The following CUZD1 variants were observed in gnomAD, a reference collection of about 807,000 sequenced individuals.
CUZD1 encodes CUB and zona pellucida like domains 1, also known as CUB and zona pellucida-like domain-containing protein 1.
In CUZD1, 42 loss-of-function variants were observed where a neutral mutation model predicts 53.1. The observed-to-expected ratio is 0.79, with a 90% CI of 0.62 to 1.02. CUZD1 has a LOEUF of 1.02. Among genes scored for constraint, CUZD1 ranks in the 50% least tolerant of loss-of-function variants. The pLI, the probability that CUZD1 is intolerant of heterozygous loss-of-function variation, is 0.00. For synonymous variants in CUZD1, 238 were observed against 257.2 expected (o/e 0.93, Z 0.71); for missense variants, 670 against 715.7 (o/e 0.94, Z 0.73).
In CUZD1 at chr10:122,841,157, G is replaced by A. The variant is rs1402418067; in HGVS notation, c.233+21C>T. 3.1e-6 allele frequency: 5 copies of A among 1,602,216 alleles called. No homozygotes were observed. In the African/African-American group the frequency reaches 5.4e-5, roughly 17 times the overall value. The stretch of plus-strand genomic sequence containing the variant: ...GTCAGAGTTCGATATCCCTTATTAG[G>A]AAACTAAAGCTTCTACTTACTGGAC... On this transcript the variant is annotated intron_variant, in intron 2 of 8. Coordinates refer to ENST00000392790, the MANE Select transcript of CUZD1 (RefSeq NM_022034.6).
At chr10:122,845,656 C>G in intron 1 of CUZD1, 106 bp downstream of exon 1, 1 of 814,502 alleles carries the variant, frequency 1.2e-6, no homozygotes, top group Non-Finnish European at 1.9e-6. Flanking sequence ...ACATTTTTCT[C>G]TGAACTGGGG....
chr10:122,837,172 T>C (rs1041679095), intron 4 of CUZD1, 124 bp from the exon 5 acceptor site: 6 of 888,302 alleles, frequency 6.8e-6, no homozygotes, highest in Non-Finnish European at 1.0e-5. Context: ...GTATCTCAGG[T>C]TTACGAAGAC....
At position 122,834,773 on chromosome 10, in the gene CUZD1, G is replaced by A. The variant is rs748068980; in HGVS notation, c.1315C>T (p.Leu439Phe). The change falls in exon 7 of 9, where the codon CTT (leucine) becomes TTT (phenylalanine). Residue 439 changes from leucine to phenylalanine, a missense_variant. Leu to Phe is a conservative substitution (Grantham distance 22). Coordinates refer to ENST00000392790, the MANE Select transcript of CUZD1 (RefSeq NM_022034.6). ...GTGGGAGAGGCTCTACAGGTATCAAGAAACACCACCAAATTTGGATCTGAG... is the reference window on the plus strand; with the variant it reads ...GTGGGAGAGGCTCTACAGGTATCAAAAAACACCACCAAATTTGGATCTGAG... The part of the protein sequence containing the change: ...HTSDPNLVVF[L>F]DTCRASPTSD... 2.2e-5 allele frequency: 36 copies of A among 1,613,744 alleles called. No homozygotes were observed. The highest frequency in any genetic ancestry group is 3.1e-5 in the Non-Finnish European group (36 of 1,179,750).
chr10:122,834,729 TG>T lies in CUZD1; in HGVS notation c.1358del (p.Pro453GlnfsTer5). 2 of 1,608,960 alleles carry T rather than the reference TG, an allele frequency of 1.2e-6. No individual in the cohort carries two copies. Among genetic ancestry groups the T allele is most frequent in the Non-Finnish European group, 1.7e-6 (2 of 1,176,754 alleles). On this transcript the variant is annotated frameshift_variant, in exon 7 of 9. Coordinates refer to ENST00000392790, the MANE Select transcript of CUZD1 (RefSeq NM_022034.6). LOFTEE classifies it high-confidence loss of function. Reference protein sequence around the residue: ...RASPTSDFASPTYDLIKSGCS... With the variant: ...RASPTSDFASXTYDLIKSGCS... Reference sequence around the variant, plus strand: ...ACCCACTCTTGATTAGGTCGTAGGTTGGAGATGCAAAGTCAGAGGTGGGAGA... The same window carrying T: ...ACCCACTCTTGATTAGGTCGTAGGTTGAGATGCAAAGTCAGAGGTGGGAGA...
chr10:122,845,827 C>T lies in CUZD1; in HGVS notation c.17G>A (p.Arg6Lys), dbSNP rs755242341. The T allele has an allele frequency of 1.1e-5, 17 of 1,613,870 alleles. No individual in the cohort carries two copies. The highest frequency in any genetic ancestry group is 5.0e-5 in the Admixed American group (3 of 60,002). ...AATTAAGAGGGTCAATGGCATGAGC[C>T]TTCTTACAAGCTCCATTTTGGCAAG... MELVR[R>K]LMPLTLLILS... is the part of the protein sequence containing the mutation. The change falls in exon 1 of 9, where the codon AGG becomes AAG. Residue 6 changes from arginine (R) to lysine (K), a missense_variant. Physicochemically the swap from Arg to Lys is conservative, Grantham distance 26. Coordinates refer to ENST00000392790, the MANE Select transcript of CUZD1 (RefSeq NM_022034.6).
intron 2 of CUZD1, 55 bp from the exon 3 acceptor site, chr10:122,839,286 C>T: frequency 6.7e-7 from 1 of 1,498,344 alleles, no homozygotes; most frequent in Non-Finnish European, 9.3e-7. Flanking sequence ...AGGGGGTTTG[C>T]AGAGCAGTCA....
At chr10:122,833,640 G>T in intron 8 of CUZD1, 32 bp downstream of exon 8, 1 of 1,601,588 alleles carries the variant, frequency 6.2e-7, no homozygotes, top group Non-Finnish European at 8.5e-7. Flanking sequence ...GCCATGATGT[G>T]CTTTTGGATC....
intron 4 of CUZD1, 103 bp downstream of exon 4, chr10:122,837,301 C>T: frequency 8.3e-7 from 1 of 1,198,212 alleles, no homozygotes; most frequent in South Asian, 1.4e-5. Context: ...TGAAAAGTGC[C>T]CATATATGAG....
rs138966401 is a variant in CUZD1 at position 122,840,398 on chromosome 10, A to G, written c.233+780T>C. On this transcript the variant is annotated intron_variant, in intron 2 of 8. Transcript: ENST00000392790. ...GGCTTCTGATGTATGGTCAAGTGTA[A>G]GAACCACTGGGACAGGCGTAAGAGG... 1.1e-4 allele frequency among the ~76,000 whole-genome samples: 16 copies of G among 152,296 alleles called. No homozygotes were observed. In the East Asian group the frequency reaches 3.1e-3, roughly 29 times the overall value.
intron 2 of CUZD1, among the ~76,000 whole-genome samples, 155 bp from the exon 3 acceptor site, chr10:122,839,386 CT>C (rs1847301501): frequency 6.6e-6 from 1 of 152,174 alleles, no homozygotes; most frequent in Non-Finnish European, 1.5e-5. Context: ...CCCCACCATC[CT>C]CAACATCAAA....
Position 122,836,820 on chromosome 10 carries a change from A to T in CUZD1, c.817+11T>A, listed in dbSNP as rs771390176. The T allele has an allele frequency of 6.3e-7, 1 of 1,597,512 alleles. No homozygotes were observed. Among genetic ancestry groups the T allele is most frequent in the Non-Finnish European group, 8.6e-7 (1 of 1,165,236 alleles). On this transcript the variant is annotated intron_variant, in intron 5 of 8. Transcript: ENST00000392790. ...AGCTCAAAATAGCTAAGAATATAAAACATGACTTACTAGTGTTGATGTTTT... is the reference window on the plus strand; with the variant it reads ...AGCTCAAAATAGCTAAGAATATAAATCATGACTTACTAGTGTTGATGTTTT...
chr10:122,842,697 G>GA (rs938591599), intron 1 of CUZD1, among the ~76,000 whole-genome samples: 1 of 151,828 alleles, frequency 6.6e-6, no homozygotes, highest in Non-Finnish European at 1.5e-5. Context: ...ATCAACCTGG[G>GA]AAAAAAAGGA....
intron 1 of CUZD1, among the ~76,000 whole-genome samples, chr10:122,845,364 C>G (rs893112610): frequency 6.6e-6 from 1 of 152,100 alleles, no homozygotes; most frequent in African/African-American, 2.4e-5. Context: ...CGTGAGCCAC[C>G]GCCCCCAGCC....
chr10:122,841,262 AGGATCAT>A lies in CUZD1; in HGVS notation c.142_148del (p.Met48CysfsTer13). Reference sequence around the variant, plus strand: ...GCAGTTCTCACTGGGATTGAGTTGCAGGATCATGGCTTTGTGGGTCTCTGCCATATTG... The same window carrying A: ...GCAGTTCTCACTGGGATTGAGTTGCAGGCTTTGTGGGTCTCTGCCATATTG... On this transcript the variant is annotated frameshift_variant, in exon 2 of 9. Transcript: ENST00000392790. LOFTEE classifies it high-confidence loss of function. 6.2e-7 allele frequency: 1 copy of A among 1,614,034 alleles called. No homozygotes were observed. The highest frequency in any genetic ancestry group is 8.5e-7 in the Non-Finnish European group (1 of 1,179,926).
In CUZD1 at chr10:122,845,822, T is replaced by C. The variant is rs1589665290; in HGVS notation, c.22A>G (p.Met8Val). Residue 8 changes from methionine to valine, a missense_variant, in exon 1 of 9, where the codon ATG becomes GTG. By Grantham distance (21) the Met-to-Val change is conservative. Transcript: ENST00000392790. Reference sequence around the variant, plus strand: ...GAGAGAATTAAGAGGGTCAATGGCATGAGCCTTCTTACAAGCTCCATTTTG... The same window carrying C: ...GAGAGAATTAAGAGGGTCAATGGCACGAGCCTTCTTACAAGCTCCATTTTG... MELVRRL[M>V]PLTLLILSCL... The C allele has an allele frequency of 6.2e-7, 1 of 1,614,096 alleles. No individual in the cohort carries two copies. The highest frequency in any genetic ancestry group is 8.5e-7 in the Non-Finnish European group (1 of 1,180,002).
At chr10:122,841,652 T>C (rs934236027) in intron 1 of CUZD1, among the ~76,000 whole-genome samples, 2 of 152,236 alleles carry the variant, frequency 1.3e-5, no homozygotes, top group Admixed American at 6.5e-5. Flanking sequence ...CCAGGTCATA[T>C]GTTAAGTGTA....
At position 122,837,034 on chromosome 10, in the gene CUZD1, T is replaced by C. The variant is rs973568574; in HGVS notation, c.614A>G (p.Lys205Arg). 1 of 1,612,458 alleles carries C rather than the reference T, an allele frequency of 6.2e-7. No homozygotes were observed. Residue 205 changes from lysine to arginine, a missense_variant, in exon 5 of 9, where the codon AAA (lysine) becomes AGA (arginine). Physicochemically the swap from Lys to Arg is conservative, Grantham distance 26. Transcript: ENST00000392790. ...GGCAAGAAAATCAAATTTGCACTGT[T>C]TGTCTATTTCTAGGCTAGAGAATGA... ...NFKEIFLEID[K>R]QCKFDFLAIY...
intron 6 of CUZD1, 84 bp from the exon 7 acceptor site, chr10:122,835,181 C>T (rs1847229721): frequency 9.1e-7 from 1 of 1,095,646 alleles, no homozygotes. Flanking sequence ...TTTGCAGGTA[C>T]AGACATAATT....
chr10:122,839,846 G>A (rs1847310041), intron 2 of CUZD1, among the ~76,000 whole-genome samples: 1 of 152,178 alleles, frequency 6.6e-6, no homozygotes, highest in Non-Finnish European at 1.5e-5. Context: ...GACAAGGGTA[G>A]AGAAATCTGG....
Sources: allele counts gnomAD v4.1 joint callset (sites outside exome capture counted in the v4.1 genomes callset), GRCh38; gene constraint gnomAD v4.1.1; transcripts MANE v1.5; gene names NCBI Gene and HGNC (gene_info 2026-07-23, HGNC 2026-07-21).